ITIH5: variants seen among roughly 807,000 people sequenced by gnomAD.
The protein encoded by ITIH5 is inter-alpha-trypsin inhibitor heavy chain H5.
In ITIH5, 65 loss-of-function variants were observed where a neutral mutation model predicts 77.5. The ratio of observed to expected loss-of-function variants is 0.84; its 90% confidence interval spans 0.69 to 1.03. The LOEUF is 1.03. ITIH5 is among the 50% of genes least tolerant of loss of function. The pLI is 0.00. For synonymous variants in ITIH5, 525 were observed against 494.3 expected (o/e 1.06, Z -0.82); for missense variants, 1,208 against 1,213.1 (o/e 1.00, Z 0.06).
intron 5 of ITIH5, among the ~76,000 whole-genome samples, chr10:7,624,802 T>A (rs1564266492): frequency 8.5e-6 from 1 of 117,284 alleles, no homozygotes; most frequent in African/African-American, 3.4e-5. Flanking sequence ...AAAAAAAATA[T>A]ATATATATAT....
chr10:7,596,995 G>A (rs1020658612), intron 7 of ITIH5, among the ~76,000 whole-genome samples: 4 of 125,062 alleles, frequency 3.2e-5, no homozygotes, highest in Admixed American at 1.1e-4. Flanking sequence ...GCAGTGAGCA[G>A]AGACCATGCC....
intron 2 of ITIH5, among the ~76,000 whole-genome samples, chr10:7,644,809 A>ATATATAT (rs1564278176): frequency 1.9e-5 from 2 of 107,406 alleles, no homozygotes; most frequent in South Asian, 6.3e-4. Context: ...CATATATATC[A>ATATATAT]CATATATATC....
intron 8 of ITIH5, among the ~76,000 whole-genome samples, chr10:7,582,456 GTT>G (rs35537997): frequency 4.0e-5 from 6 of 151,324 alleles, no homozygotes; most frequent in African/African-American, 9.7e-5. Flanking sequence ...TATTTCCTTT[GTT>G]TTTTTTTTAA....
In ITIH5 at chr10:7,637,403, A is replaced by C. The variant is rs1833818807; in HGVS notation, c.477T>G (p.Tyr159Ter). The change falls in exon 5 of 14, where the codon TAT (tyrosine) becomes TAG (stop). Residue 159 changes from tyrosine (Y) to a stop codon, truncating the protein, a stop_gained. Coordinates refer to ENST00000397146, the MANE Select transcript of ITIH5 (RefSeq NM_030569.7). LOFTEE classifies it high-confidence loss of function. ...CCAGGCGCCTCTGCAGAAGCTCCTC[A>C]TAACTCAGGAAAAAGGCGGCTTTGT... ...SKDKAAFFLSYEELLQRRLGK... is the reference protein window; with the variant it reads ...SKDKAAFFLS The C allele has an allele frequency of 6.2e-7, 1 of 1,613,952 alleles. No homozygotes were observed. Among genetic ancestry groups the C allele is most frequent in the African/African-American group, 1.3e-5 (1 of 74,934 alleles).
At chr10:7,581,870 ATT>A (rs34386089) in intron 8 of ITIH5, among the ~76,000 whole-genome samples, 2,335 of 81,450 alleles carry the variant, frequency 0.029, 36 homozygotes, top group African/African-American at 0.081. Flanking sequence ...CCACCCATGT[ATT>A]TTTTTTTTTT....
intron 7 of ITIH5, among the ~76,000 whole-genome samples, chr10:7,603,161 ATC>A (rs1247937884): frequency 3.3e-5 from 5 of 152,212 alleles, no homozygotes; most frequent in African/African-American, 9.7e-5. Context: ...CGCTCTCAGA[ATC>A]TCTGCTAAAA....
At chr10:7,611,707 A>G (rs1357318057) in intron 7 of ITIH5, among the ~76,000 whole-genome samples, 1 of 152,142 alleles carries the variant, frequency 6.6e-6, no homozygotes, top group Admixed American at 6.5e-5. Flanking sequence ...TTACATATTA[A>G]TGATACACTT....
chr10:7,642,120 G>A (rs575220522), intron 2 of ITIH5, 30 bp from the exon 3 acceptor site: 14 of 1,576,304 alleles, frequency 8.9e-6, no homozygotes, highest in East Asian at 2.3e-5. Flanking sequence ...CAGTATCATC[G>A]GTGATGCATG....
At chr10:7,577,048 G>A (rs1290835322) in intron 9 of ITIH5, 36 bp from the exon 10 acceptor site, 4 of 1,553,508 alleles carry the variant, frequency 2.6e-6, no homozygotes, top group Admixed American at 3.7e-5. Flanking sequence ...GGAGATCAGG[G>A]CCCTGCTCTG....
intron 8 of ITIH5, 115 bp downstream of exon 8, chr10:7,585,786 C>T: frequency 2.2e-6 from 2 of 907,490 alleles, no homozygotes; most frequent in South Asian, 1.8e-5. Flanking sequence ...AGTCTCCCTT[C>T]CTGCCATCAA....
chr10:7,610,822 G>A (rs1469339542), intron 7 of ITIH5, among the ~76,000 whole-genome samples: 1 of 152,214 alleles, frequency 6.6e-6, no homozygotes, highest in Non-Finnish European at 1.5e-5. Flanking sequence ...CTGGTCTAGG[G>A]TGGCTCTCCT....
chr10:7,599,259 C>G (rs542720216), intron 7 of ITIH5, among the ~76,000 whole-genome samples: 1 of 152,170 alleles, frequency 6.6e-6, no homozygotes, highest in Non-Finnish European at 1.5e-5. Flanking sequence ...AAGAACACAG[C>G]CTTAGTACAT....
intron 2 of ITIH5, among the ~76,000 whole-genome samples, chr10:7,650,813 T>C (rs1421750723): frequency 6.6e-6 from 1 of 152,084 alleles, no homozygotes; most frequent in Non-Finnish European, 1.5e-5. Context: ...CTGCTAGATT[T>C]ACCACCTCGG....
At chr10:7,614,717 C>T (rs1206163500) in intron 7 of ITIH5, among the ~76,000 whole-genome samples, 1 of 151,984 alleles carries the variant, frequency 6.6e-6, no homozygotes, top group Non-Finnish European at 1.5e-5. Flanking sequence ...ACCATGAAAG[C>T]CATGAAGATA....
rs1462597000 is a variant in ITIH5 at position 7,576,969 on chromosome 10, T to A, written c.1462A>T (p.Ile488Phe). ...IRTPLLSDIR[I>F]DYPPSSVVQA... ...ACCACTGAGCTGGGGGGATAATCGA[T>A]GCGGATGTCAGAGAGGAGCGGGGTC... The change falls in exon 10 of 14, where the codon ATC (isoleucine) becomes TTC (phenylalanine). Residue 488 changes from isoleucine to phenylalanine, a missense_variant. By Grantham distance (21) the Ile-to-Phe change is conservative (BLOSUM62 0). Coordinates refer to ENST00000397146, the MANE Select transcript of ITIH5 (RefSeq NM_030569.7). 2 of 1,613,860 alleles carry A rather than the reference T, an allele frequency of 1.2e-6. No homozygotes were observed. Among genetic ancestry groups the A allele is most frequent in the Non-Finnish European group, 8.5e-7 (1 of 1,179,876 alleles).
rs1394254263 is a variant in ITIH5, at chr10:7,579,827, T to C, written c.1346A>G (p.Lys449Arg). ...GNDVDFRLLE[K>R]LSLENCGLTR... ...GAGGCCACAGTTCTCCAGCGACAGT[T>C]TCTCCAGCAGCCTGAAGTCCACGTC... Residue 449 changes from lysine to arginine, a missense_variant, in exon 9 of 14, where the codon AAA (lysine) becomes AGA (arginine). By Grantham distance (26) the Lys-to-Arg change is conservative. Coordinates refer to ENST00000397146, the MANE Select transcript of ITIH5 (RefSeq NM_030569.7). The C allele has an allele frequency of 6.2e-7, 1 of 1,614,098 alleles. No individual in the cohort carries two copies. The highest frequency in any genetic ancestry group is 1.7e-5 in the Admixed American group (1 of 60,024).
intron 7 of ITIH5, among the ~76,000 whole-genome samples, chr10:7,614,703 G>C (rs1184949515): frequency 6.6e-6 from 1 of 152,058 alleles, no homozygotes; most frequent in Non-Finnish European, 1.5e-5. Flanking sequence ...GAAAGCCATG[G>C]AAAACCATGA....
intron 7 of ITIH5, among the ~76,000 whole-genome samples, chr10:7,612,478 A>G (rs1039465524): frequency 6.6e-6 from 1 of 152,200 alleles, no homozygotes; most frequent in Admixed American, 6.5e-5. Flanking sequence ...TCAGGTTTTT[A>G]AAGAATATTT....
At chr10:7,609,708 C>T (rs1198342285) in intron 7 of ITIH5, among the ~76,000 whole-genome samples, 3 of 152,152 alleles carry the variant, frequency 2.0e-5, no homozygotes, top group Non-Finnish European at 4.4e-5. Context: ...GCTTCAAAGG[C>T]TACGTGGGAA....
Sources: allele counts gnomAD v4.1 joint callset (sites outside exome capture counted in the v4.1 genomes callset), GRCh38; gene constraint gnomAD v4.1.1; transcripts MANE v1.5; gene names NCBI Gene and HGNC (gene_info 2026-07-23, HGNC 2026-07-21).